The following C12orf75 variants were observed in gnomAD, a reference collection of about 807,000 sequenced individuals.
The protein encoded by C12orf75 is overexpressed in colon carcinoma 1 protein.
C12orf75 carries 4 observed loss-of-function variants against 11.4 expected under a neutral mutation model. The ratio of observed to expected loss-of-function variants is 0.35; its 90% CI spans 0.17 to 0.80. The LOEUF is 0.80. C12orf75 is among the 30% of genes least tolerant of loss of function. C12orf75 has a pLI of 0.52. For synonymous variants in C12orf75, 30 were observed against 30.0 expected, an observed-to-expected ratio of 1.00 and a Z score of 0.00; for missense variants, 89 against 80.4, an observed-to-expected ratio of 1.11 and a Z score of -0.41.
intron 3 of C12orf75, 126 bp downstream of exon 3, chr12:105,365,968 AG>A (rs1818894748): frequency 1.1e-5 from 8 of 729,634 alleles, no homozygotes; most frequent in Non-Finnish European, 1.7e-5. Context: ...CAGAGAATAC[AG>A]GTAGGGGCAT....
rs758369966 is a variant in C12orf75 at position 105,366,647 on chromosome 12, A to G, written c.138A>G (p.Pro46=). The G allele has an allele frequency of 1.3e-6, 2 of 1,544,282 alleles. No homozygotes were observed. The highest frequency in any genetic ancestry group is 2.0e-5 in the Admixed American group (1 of 50,864). ...RNYGGVYVGL[P]SEAVNMVSSQ... is the part of the protein sequence containing the mutation. ...ATGGAGGAGTATATGTTGGCCTACC[A>G]TCTGAAGCTGTCAATATGGTGTCCA... The change falls in exon 4 of 6, where the codon CCA becomes CCG. Residue 46 remains proline, a synonymous_variant. Coordinates refer to ENST00000443585, the MANE Select transcript of C12orf75 (RefSeq NM_001145199.2).
intron 1 of C12orf75, among the ~76,000 whole-genome samples, chr12:105,331,333 G>A (rs1892419751): frequency 1.3e-5 from 2 of 151,924 alleles, no homozygotes; most frequent in Non-Finnish European, 1.5e-5. Flanking sequence ...CGGAACCAAG[G>A]CGCTGCACCT....
Position 105,334,066 on chromosome 12 carries a change from T to TG in C12orf75, c.46+3130dup, listed in dbSNP as rs773555266. 5.9e-5 allele frequency among the ~76,000 whole-genome samples: 9 copies of TG among 152,332 alleles called. No individual in the cohort carries two copies. In the South Asian group the frequency reaches 8.3e-4, roughly 14 times the overall value. Reference sequence around the variant, plus strand: ...AGTTAAGTGGATTCCGTATGCCTGATGCATGGAGAAACTGGTATGGAGTAA... The same window carrying TG: ...AGTTAAGTGGATTCCGTATGCCTGATGGCATGGAGAAACTGGTATGGAGTAA... On this transcript the variant is annotated intron_variant, in intron 1 of 5. Transcript: ENST00000443585.
intron 2 of C12orf75, among the ~76,000 whole-genome samples, chr12:105,363,839 A>G (rs150928753): frequency 6.6e-6 from 1 of 152,164 alleles, no homozygotes; most frequent in African/African-American, 2.4e-5. Context: ...TGGCAACTAC[A>G]TTATCATTTC....
rs367964990 is a variant in C12orf75 at position 105,356,438 on chromosome 12, GC to G, written c.71+7813del. On this transcript the variant is annotated intron_variant, in intron 2 of 5. Coordinates refer to ENST00000443585, the MANE Select transcript of C12orf75 (RefSeq NM_001145199.2). Reference sequence around the variant, plus strand: ...AATAGGGAAAAAGAAAAGACTACAGGCTTTTTTTTTTTTTTTTTTTTTGCTT... The same window carrying G: ...AATAGGGAAAAAGAAAAGACTACAGGTTTTTTTTTTTTTTTTTTTTTGCTT... Among the ~76,000 whole-genome samples, 199 of 83,078 alleles carry G rather than the reference GC, an allele frequency of 2.4e-3. 5 individuals carry two copies. The highest frequency in any genetic ancestry group is 0.023 in the East Asian group (69 of 2,994). 54.5% of individuals were successfully genotyped at this position (83,078 alleles called of 152,430 possible).
chr12:105,371,014 TTAAGA>T lies in C12orf75; in HGVS notation c.*416_*420del, dbSNP rs2136154298. 1 of 182,296 alleles carries T rather than the reference TTAAGA, an allele frequency of 5.5e-6. No individual in the cohort carries two copies. Among genetic ancestry groups the T allele is most frequent in the South Asian group, 1.3e-4 (1 of 7,914 alleles). The allele number at this position is 182,296 out of a possible 1,614,324, so 11.3% of individuals were successfully genotyped here. On this transcript the variant is annotated 3_prime_UTR_variant, in exon 6 of 6. Coordinates refer to ENST00000443585, the MANE Select transcript of C12orf75 (RefSeq NM_001145199.2). ...ACAAAATCCTTATTCTATTTATAAC[TTAAGA>T]TGATAAGGCACTATAAATTAATGAC...
chr12:105,361,691 AC>A (rs1199002112), intron 2 of C12orf75, among the ~76,000 whole-genome samples: 3 of 151,968 alleles, frequency 2.0e-5, no homozygotes, highest in African/African-American at 7.3e-5. Flanking sequence ...TTTCTTCCTT[AC>A]GCTAAAGCTT....
chr12:105,340,339 C>T lies in C12orf75; in HGVS notation c.47-8263C>T, dbSNP rs373338491. ...ACTTGGGACGCTGAGGCAGGAGAATCGCTTCGACCTGGGAGGCGGAGGTTG... is the reference window on the plus strand; with the variant it reads ...ACTTGGGACGCTGAGGCAGGAGAATTGCTTCGACCTGGGAGGCGGAGGTTG... On this transcript the variant is annotated intron_variant, in intron 1 of 5. Transcript: ENST00000443585. Among the ~76,000 whole-genome samples the T allele has an allele frequency of 1.8e-4, 27 of 151,166 alleles. No individual in the cohort carries two copies. In the East Asian group the frequency reaches 4.1e-3, roughly 23 times the overall value.
intron 2 of C12orf75, among the ~76,000 whole-genome samples, chr12:105,357,259 G>A (rs1892795727): frequency 6.6e-6 from 1 of 152,250 alleles, no homozygotes; most frequent in Non-Finnish European, 1.5e-5. Flanking sequence ...AAGTTCACAG[G>A]AAGTGAGCTA....
chr12:105,330,801 C>T lies in C12orf75; in HGVS notation c.-91C>T. On this transcript the variant is annotated 5_prime_UTR_variant, in exon 1 of 6. Transcript: ENST00000443585. Reference sequence around the variant, plus strand: ...GCCCCTCGCGGCCCCGTCAGCCTCCCGCTCGGGGTGCGCCGCCCTTCGTCT... The same window carrying T: ...GCCCCTCGCGGCCCCGTCAGCCTCCTGCTCGGGGTGCGCCGCCCTTCGTCT... 1 of 1,196,912 alleles carries T rather than the reference C, an allele frequency of 8.4e-7. No homozygotes were observed. Among genetic ancestry groups the T allele is most frequent in the Non-Finnish European group, 1.0e-6 (1 of 962,222 alleles). The allele number at this position is 1,196,912 out of a possible 1,614,324, so 74.1% of individuals were successfully genotyped here. A position where few individuals can be genotyped will look rare whatever the true frequency, so the allele number is the denominator to read the frequency against.
chr12:105,338,915 TCAA>T (rs1407301545), intron 1 of C12orf75, among the ~76,000 whole-genome samples: 1 of 152,134 alleles, frequency 6.6e-6, no homozygotes, highest in African/African-American at 2.4e-5. Context: ...CTAGCACTAC[TCAA>T]CAAGGACGAC....
chr12:105,345,659 CTTTTTTT>C (rs771376717), intron 1 of C12orf75, among the ~76,000 whole-genome samples: 8 of 73,498 alleles, frequency 1.1e-4, no homozygotes, highest in African/African-American at 4.5e-4. Flanking sequence ...AGTGTCTGGC[CTTTTTTT>C]TTTTTTTTTT....
intron 5 of C12orf75, among the ~76,000 whole-genome samples, chr12:105,369,017 T>C (rs1257213826): frequency 2.6e-5 from 4 of 152,206 alleles, no homozygotes; most frequent in Non-Finnish European, 5.9e-5. Flanking sequence ...AAAAGATAAG[T>C]TGAAACCAAG....
Position 105,366,675 on chromosome 12 carries a change from C to G in C12orf75, c.166C>G (p.Gln56Glu), listed in dbSNP as rs1176794931. 2 of 1,535,448 alleles carry G rather than the reference C, an allele frequency of 1.3e-6. No homozygotes were observed. The highest frequency in any genetic ancestry group is 1.8e-6 in the Non-Finnish European group (2 of 1,132,788). Reference sequence around the variant, plus strand: ...TGAAGCTGTCAATATGGTGTCCAGTCAAACAAAGACGGTTCGGAAAAGTAA... The same window carrying G: ...TGAAGCTGTCAATATGGTGTCCAGTGAAACAAAGACGGTTCGGAAAAGTAA... ...PSEAVNMVSS[Q>E]TKTVRKN The change falls in exon 4 of 6, where the codon CAA (glutamine) becomes GAA (glutamate). Residue 56 changes from glutamine to glutamate, a missense_variant. Coordinates refer to ENST00000443585, the MANE Select transcript of C12orf75 (RefSeq NM_001145199.2).
chr12:105,352,038 T>A (rs923970624), intron 2 of C12orf75, among the ~76,000 whole-genome samples: 1 of 151,304 alleles, frequency 6.6e-6, no homozygotes, highest in East Asian at 1.9e-4. Context: ...GGAGAAGAGG[T>A]GATACAAACA....
intron 1 of C12orf75, among the ~76,000 whole-genome samples, chr12:105,335,128 G>A (rs901170292): frequency 3.3e-5 from 5 of 152,170 alleles, no homozygotes; most frequent in Non-Finnish European, 7.3e-5. Context: ...TTCCATAATA[G>A]TTTTCTGCTG....
rs575251466 is a variant in C12orf75 at position 105,349,977 on chromosome 12, T to C, written c.71+1351T>C. ...TAAAGCTTTCTGGGAATTAAATATTTAAATATGCATTTTAAAATTAGGACT... is the reference window on the plus strand; with the variant it reads ...TAAAGCTTTCTGGGAATTAAATATTCAAATATGCATTTTAAAATTAGGACT... On this transcript the variant is annotated intron_variant, in intron 2 of 5. Coordinates refer to ENST00000443585, the MANE Select transcript of C12orf75 (RefSeq NM_001145199.2). 1.2e-3 allele frequency among the ~76,000 whole-genome samples: 176 copies of C among 152,364 alleles called. 2 individuals carry two copies. The highest frequency in any genetic ancestry group is 6.8e-3 in the Middle Eastern group (2 of 294).
Position 105,367,507 on chromosome 12 carries a change from G to A in C12orf75, c.*31G>A, listed in dbSNP as rs774107168. 1.3e-6 allele frequency: 1 copy of A among 795,744 alleles called. No individual in the cohort carries two copies. The highest frequency in any genetic ancestry group is 2.0e-5 in the South Asian group (1 of 50,574). The allele number at this position is 795,744 out of a possible 1,614,324, so 49.3% of individuals were successfully genotyped here. A position where few individuals can be genotyped will look rare whatever the true frequency, so the allele number is the denominator to read the frequency against. Reference sequence around the variant, plus strand: ...AATAACATCATGACTCAAGAATCAAGAGGTGCTGTATATTTTTCTAAATAA... The same window carrying A: ...AATAACATCATGACTCAAGAATCAAAAGGTGCTGTATATTTTTCTAAATAA... On this transcript the variant is annotated splice_region_variant and 3_prime_UTR_variant, in exon 5 of 6. Transcript: ENST00000443585.
chr12:105,331,080 GA>G (rs977974323), intron 1 of C12orf75, 143 bp downstream of exon 1: 12 of 502,856 alleles, frequency 2.4e-5, no homozygotes, highest in Non-Finnish European at 3.4e-5. Flanking sequence ...CCCGTTTCTG[GA>G]AAGACCGAAA....
Sources: gnomAD v4.1 joint callset for allele counts (sites outside exome capture counted in the v4.1 genomes callset) on GRCh38, gnomAD v4.1.1 for gene constraint, MANE v1.5 for transcripts, NCBI Gene and HGNC (gene_info 2026-07-23, HGNC 2026-07-21) for gene names.